PAN3: variants seen among roughly 807,000 people sequenced by gnomAD.
PAN3 encodes the protein poly(A) specific ribonuclease subunit PAN3.
PAN3 carries 19 observed loss-of-function variants against 96.2 expected under a neutral mutation model. The observed-to-expected ratio is 0.20, with a 90% CI of 0.14 to 0.29. The LOEUF is 0.29. PAN3 is among the 10% of genes least tolerant of loss of function. The pLI, the probability that PAN3 is intolerant of heterozygous loss-of-function variation, is 1.00. For synonymous variants in PAN3, 433 were observed against 406.6 expected (o/e 1.06, Z -0.78); for missense variants, 882 against 1,108.1 (o/e 0.80, Z 2.90).
chr13:28,218,585 T>A (rs1881056727), intron 5 of PAN3, among the ~76,000 whole-genome samples: 1 of 152,188 alleles, frequency 6.6e-6, no homozygotes, highest in Non-Finnish European at 1.5e-5. Context: ...CTTCCACTCG[T>A]ACATATTTGG....
intron 6 of PAN3, among the ~76,000 whole-genome samples, chr13:28,241,263 A>C (rs1883635747): frequency 6.6e-6 from 1 of 152,180 alleles, no homozygotes; most frequent in African/African-American, 2.4e-5. Flanking sequence ...ACGCTGTTTC[A>C]AAAAAAGGAC....
intron 1 of PAN3, among the ~76,000 whole-genome samples, chr13:28,143,080 G>A (rs1267040240): frequency 6.6e-6 from 1 of 152,056 alleles, no homozygotes; most frequent in Non-Finnish European, 1.5e-5. Context: ...AACCTTATAA[G>A]GAAACTGCAA....
At chr13:28,283,505 G>C (rs1293076683) in intron 17 of PAN3, among the ~76,000 whole-genome samples, 2 of 151,976 alleles carry the variant, frequency 1.3e-5, no homozygotes, top group Non-Finnish European at 2.9e-5. Flanking sequence ...TATATTTTTA[G>C]TTTCTTCTGT....
intron 1 of PAN3, among the ~76,000 whole-genome samples, chr13:28,141,566 CA>C (rs1869845632): frequency 1.4e-5 from 2 of 142,182 alleles, no homozygotes; most frequent in South Asian, 4.5e-4. Context: ...CTCCCGGGTT[CA>C]AGAGATTCTC....
chr13:28,144,500 C>T (rs1870341057), intron 1 of PAN3, among the ~76,000 whole-genome samples: 1 of 151,864 alleles, frequency 6.6e-6, no homozygotes, highest in African/African-American at 2.4e-5. Flanking sequence ...CAGGCGTGAG[C>T]CACTGGGCCC....
intron 5 of PAN3, among the ~76,000 whole-genome samples, chr13:28,201,180 A>G (rs1256031866): frequency 2.6e-5 from 4 of 151,098 alleles, no homozygotes; most frequent in Non-Finnish European, 5.9e-5. Context: ...GACTGCAGGC[A>G]CATATCACTG....
chr13:28,234,100 T>C (rs1882856450), intron 6 of PAN3, among the ~76,000 whole-genome samples: 1 of 152,166 alleles, frequency 6.6e-6, no homozygotes, highest in Non-Finnish European at 1.5e-5. Flanking sequence ...ACCAGTGCCT[T>C]AAGAGAGTTG....
At chr13:28,235,600 C>T (rs984990006) in intron 6 of PAN3, among the ~76,000 whole-genome samples, 7 of 151,726 alleles carry the variant, frequency 4.6e-5, no homozygotes, top group Non-Finnish European at 8.8e-5. Context: ...CTTCTCTGGT[C>T]ATTATAGTAT....
Position 28,265,012 on chromosome 13 carries a change from G to C in PAN3, c.1412-1703G>C, listed in dbSNP as rs117914047. On this transcript the variant is annotated intron_variant, in intron 9 of 18. Coordinates refer to ENST00000380958, the MANE Select transcript of PAN3 (RefSeq NM_175854.8). ...AGGGTAAGAACGTAATATTTCTTTA[G>C]GTTCATTAGTACATAGTAGATGCTC... Among the ~76,000 whole-genome samples, 65 of 152,120 alleles carry C rather than the reference G, an allele frequency of 4.3e-4. 1 individual carries two copies. The East Asian group carries it at 5.6e-3, about 13-fold the overall frequency.
At chr13:28,147,399 A>C (rs1027820340) in intron 1 of PAN3, among the ~76,000 whole-genome samples, 1 of 152,156 alleles carries the variant, frequency 6.6e-6, no homozygotes, top group East Asian at 1.9e-4. Context: ...GTACTGACTT[A>C]AAATAGTTAC....
intron 1 of PAN3, among the ~76,000 whole-genome samples, chr13:28,141,457 TTTTTC>T (rs1305903854): frequency 1.8e-4 from 25 of 141,704 alleles, no homozygotes; most frequent in African/African-American, 7.0e-4. Context: ...TCTTTTTCTT[TTTTTC>T]TTTTTTTTTT....
At chr13:28,239,782 T>C in intron 6 of PAN3, 1 of 749,850 alleles carries the variant, frequency 1.3e-6, no homozygotes. Flanking sequence ...GAAAACAGGG[T>C]TTGTGAAGGA....
chr13:28,153,588 G>C (rs1871692571), intron 1 of PAN3, among the ~76,000 whole-genome samples: 2 of 152,214 alleles, frequency 1.3e-5, no homozygotes, highest in South Asian at 4.1e-4. Flanking sequence ...AGACAGCACT[G>C]AGTTGTTAAT....
chr13:28,231,050 G>A (rs1453595895), intron 6 of PAN3, among the ~76,000 whole-genome samples: 2 of 152,148 alleles, frequency 1.3e-5, no homozygotes, highest in Non-Finnish European at 2.9e-5. Flanking sequence ...GGACAAGCAG[G>A]TAGGTTACTG....
rs936535030 is a variant in PAN3 at position 28,294,230 on chromosome 13, A to G, written c.*1708A>G. On this transcript the variant is annotated 3_prime_UTR_variant, in exon 19 of 19. Transcript: ENST00000380958. The stretch of plus-strand genomic sequence containing the variant: ...TTTGATCTGGATGGATTTTAAAAGA[A>G]TATAATGTTCAATATTAAAAGGATA... The G allele has an allele frequency of 5.9e-5, 9 of 152,672 alleles. No homozygotes were observed. The highest frequency in any genetic ancestry group is 2.2e-4 in the African/African-American group (9 of 41,470). The allele number at this position is 152,672 out of a possible 1,614,324, so 9.5% of individuals were successfully genotyped here.
At chr13:28,175,228 A>G (rs1251711134) in intron 2 of PAN3, among the ~76,000 whole-genome samples, 1 of 152,174 alleles carries the variant, frequency 6.6e-6, no homozygotes, top group Non-Finnish European at 1.5e-5. Flanking sequence ...CACAAGAGAA[A>G]TTCATCTTTA....
chr13:28,195,424 ACT>A (rs1288968976), intron 4 of PAN3, among the ~76,000 whole-genome samples: 1 of 150,894 alleles, frequency 6.6e-6, no homozygotes, highest in Non-Finnish European at 1.5e-5. Context: ...AAGAAACAAA[ACT>A]CTGTCCACTG....
At chr13:28,171,305 C>T (rs747802161) in intron 1 of PAN3, among the ~76,000 whole-genome samples, 2 of 152,164 alleles carry the variant, frequency 1.3e-5, no homozygotes, top group African/African-American at 2.4e-5. Context: ...ACACTTTTGA[C>T]ACCAGAAGTG....
chr13:28,143,858 A>G (rs1431145186), intron 1 of PAN3, among the ~76,000 whole-genome samples: 1 of 152,184 alleles, frequency 6.6e-6, no homozygotes, highest in Non-Finnish European at 1.5e-5. Flanking sequence ...TAGCTTTGGA[A>G]TATGTAATGT....
Sources: gnomAD v4.1 joint callset for allele counts (sites outside exome capture counted in the v4.1 genomes callset) on GRCh38, gnomAD v4.1.1 for gene constraint, MANE v1.5 for transcripts, NCBI Gene and HGNC (gene_info 2026-07-23, HGNC 2026-07-21) for gene names.